The following ITPR2 variants were observed in gnomAD, a reference collection of about 807,000 sequenced individuals.
ITPR2 encodes inositol 1,4,5-trisphosphate-gated calcium channel ITPR2.
A neutral mutation model predicts 317.1 loss-of-function variants in ITPR2; 207 were observed. That is an observed-to-expected ratio of 0.65 (90% CI 0.58 to 0.73). ITPR2 has a LOEUF of 0.73. ITPR2 is among the 30% of genes least tolerant of loss of function. ITPR2 has a pLI of 0.00. For synonymous variants in ITPR2, 1,156 were observed against 1,149.1 expected, an observed-to-expected ratio of 1.01 and a Z score of -0.12; for missense variants, 2,613 against 3,284.0, an observed-to-expected ratio of 0.80 and a Z score of 4.99.
chr12:26,516,260 AGGAAAGGAAAGGAAGGGAAG>A (rs1565574454), intron 37 of ITPR2, among the ~76,000 whole-genome samples: 5 of 54,294 alleles, frequency 9.2e-5, no homozygotes, highest in Non-Finnish European at 1.8e-4. Flanking sequence ...AGGAAAGGAA[AGGAAAGGAAAGGAAGGGAAG>A]GGAAGGGAAA....
At chr12:26,466,357 T>C (rs562480781) in intron 45 of ITPR2, among the ~76,000 whole-genome samples, 8 of 152,252 alleles carry the variant, frequency 5.3e-5, no homozygotes, top group African/African-American at 1.9e-4. Context: ...TAGGTATCAA[T>C]TATACTCTTG....
intron 42 of ITPR2, among the ~76,000 whole-genome samples, chr12:26,482,979 T>TC (rs1218473137): frequency 2.0e-5 from 3 of 152,220 alleles, no homozygotes; most frequent in African/African-American, 7.2e-5. Flanking sequence ...GGTAGCTCCA[T>TC]GATGCCTGAG....
At chr12:26,548,664 G>A (rs1944447225) in intron 37 of ITPR2, among the ~76,000 whole-genome samples, 1 of 152,130 alleles carries the variant, frequency 6.6e-6, no homozygotes, top group Non-Finnish European at 1.5e-5. Flanking sequence ...TGCTGGGGGT[G>A]TCCTTTACAT....
chr12:26,678,504 C>CA (rs1947963406), intron 13 of ITPR2, among the ~76,000 whole-genome samples: 1 of 151,934 alleles, frequency 6.6e-6, no homozygotes, highest in South Asian at 2.1e-4. Flanking sequence ...GGAAAAAAGT[C>CA]AGAGTTGTCA....
chr12:26,635,086 C>A (rs1485332128), intron 21 of ITPR2, among the ~76,000 whole-genome samples: 1 of 152,046 alleles, frequency 6.6e-6, no homozygotes, highest in Admixed American at 6.6e-5. Context: ...TTGCTTTGTT[C>A]TTTGATTGTT....
intron 55 of ITPR2, among the ~76,000 whole-genome samples, chr12:26,381,110 G>A (rs1029505275): frequency 6.6e-6 from 1 of 152,216 alleles, no homozygotes; most frequent in African/African-American, 2.4e-5. Context: ...GGGTTGGAGA[G>A]ACACGATGAG....
chr12:26,616,349 G>A (rs1044483398), intron 26 of ITPR2, among the ~76,000 whole-genome samples: 5 of 151,900 alleles, frequency 3.3e-5, no homozygotes. Context: ...GTGTTAGCCA[G>A]GATGGTCTCG....
rs78284920 is a variant in ITPR2 at position 26,555,552 on chromosome 12, C to T, written c.4964+681G>A. Among the ~76,000 whole-genome samples the T allele has an allele frequency of 8.7e-3, 1,322 of 152,284 alleles. 14 individuals are homozygous for T. Among genetic ancestry groups the T allele is most frequent in the Non-Finnish European group, 0.012 (830 of 68,016 alleles). On this transcript the variant is annotated intron_variant, in intron 36 of 56. Coordinates refer to ENST00000381340, the MANE Select transcript of ITPR2 (RefSeq NM_002223.4). ...TTTTTCTCACAACTGCTTATCCTTG[C>T]ACATCTCCCTTGAGAATTTTTCACT...
intron 48 of ITPR2, among the ~76,000 whole-genome samples, chr12:26,428,850 T>C (rs1353817597): frequency 6.6e-6 from 1 of 152,238 alleles, no homozygotes; most frequent in Non-Finnish European, 1.5e-5. Context: ...GAAGGTCATG[T>C]GGTGCTGCAT....
Position 26,336,087 on chromosome 12 carries a change from G to A in ITPR2, c.*3310C>T, listed in dbSNP as rs576053827. Among the ~76,000 whole-genome samples, 7 of 152,164 alleles carry A rather than the reference G, an allele frequency of 4.6e-5. No homozygotes were observed. Among genetic ancestry groups the A allele is most frequent in the East Asian group, 1.9e-4 (1 of 5,182 alleles). On this transcript the variant is annotated 3_prime_UTR_variant, in exon 57 of 57. Coordinates refer to ENST00000381340, the MANE Select transcript of ITPR2 (RefSeq NM_002223.4). ...GCCTGTGCAATATTTACTTGCTTAC[G>A]TCCAATCTACTGGGTCCCTGAAGAA...
At chr12:26,563,876 C>T (rs896775659) in intron 34 of ITPR2, among the ~76,000 whole-genome samples, 3 of 152,082 alleles carry the variant, frequency 2.0e-5, no homozygotes, top group Non-Finnish European at 2.9e-5. Flanking sequence ...CCAGTCATTA[C>T]GGACTTTCCT....
intron 45 of ITPR2, among the ~76,000 whole-genome samples, chr12:26,470,675 T>G (rs1431058312): frequency 6.6e-6 from 1 of 152,192 alleles, no homozygotes; most frequent in East Asian, 1.9e-4. Context: ...TTGGCCAATA[T>G]TTTTTTAAAT....
At chr12:26,707,314 C>T (rs1163201288) in intron 9 of ITPR2, among the ~76,000 whole-genome samples, 1 of 152,166 alleles carries the variant, frequency 6.6e-6, no homozygotes, top group Non-Finnish European at 1.5e-5. Flanking sequence ...GCATTCCCCA[C>T]ATCCCAATAT....
chr12:26,534,058 G>A (rs1004420419), intron 37 of ITPR2, among the ~76,000 whole-genome samples: 2 of 152,102 alleles, frequency 1.3e-5, no homozygotes, highest in African/African-American at 2.4e-5. Context: ...GATCCAGAGG[G>A]CCACTGCTTG....
intron 21 of ITPR2, among the ~76,000 whole-genome samples, chr12:26,648,083 G>T (rs1259598030): frequency 1.3e-5 from 2 of 152,074 alleles, no homozygotes; most frequent in Non-Finnish European, 2.9e-5. Flanking sequence ...TGTGACCAAG[G>T]ATGCAGAAGA....
intron 45 of ITPR2, among the ~76,000 whole-genome samples, chr12:26,452,836 C>A (rs1502417): frequency 0.83 from 126,642 of 152,036 alleles, 52,810 homozygotes; most frequent in Non-Finnish European, 0.86. Flanking sequence ...GACTTCCCAG[C>A]CACTAGATAA....
At chr12:26,665,686 A>T (rs984039311) in intron 14 of ITPR2, among the ~76,000 whole-genome samples, 1 of 152,098 alleles carries the variant, frequency 6.6e-6, no homozygotes, top group African/African-American at 2.4e-5. Context: ...GCCCCAGCAA[A>T]CACCTTGACT....
chr12:26,736,637 G>A (rs1427296606), intron 2 of ITPR2, among the ~76,000 whole-genome samples: 1 of 152,132 alleles, frequency 6.6e-6, no homozygotes, highest in Non-Finnish European at 1.5e-5. Flanking sequence ...TTAATTATTA[G>A]CCACGTCCCC....
At chr12:26,602,961 A>G (rs1308397458) in intron 26 of ITPR2, among the ~76,000 whole-genome samples, 1 of 152,244 alleles carries the variant, frequency 6.6e-6, no homozygotes, top group Non-Finnish European at 1.5e-5. Flanking sequence ...GTTAAATTGT[A>G]AAGTTTTCAT....
Sources: gnomAD v4.1 joint callset for allele counts (sites outside exome capture counted in the v4.1 genomes callset) on GRCh38, gnomAD v4.1.1 for gene constraint, MANE v1.5 for transcripts, NCBI Gene and HGNC (gene_info 2026-07-23, HGNC 2026-07-21) for gene names.